The following DNAH14 variants were observed in gnomAD, a reference collection of about 807,000 sequenced individuals.
DNAH14 encodes dynein axonemal heavy chain 14, also known as axonemal beta dynein heavy chain 14.
Under a neutral mutation model 520.9 loss-of-function variants are expected in DNAH14, and 478 were observed. The ratio of observed to expected loss-of-function variants is 0.92; its 90% confidence interval spans 0.85 to 0.99. The LOEUF (loss-of-function observed/expected upper bound fraction) is 0.99. DNAH14 is among the 50% of genes least tolerant of loss of function. DNAH14 has a pLI of 0.00. For missense variants in DNAH14, 4,831 were observed against 5,234.5 expected, an observed-to-expected ratio of 0.92 and a Z score of 2.38; for synonymous variants, 1,581 against 1,757.2, an observed-to-expected ratio of 0.90 and a Z score of 2.51.
intron 52 of DNAH14, among the ~76,000 whole-genome samples, chr1:225,274,222 T>TTTTTTTTTTTTTTA (rs2093402410): frequency 7.3e-6 from 1 of 137,132 alleles, no homozygotes; most frequent in African/African-American, 2.9e-5. Flanking sequence ...TTTTTTTTTT[T>TTTTTTTTTTTTTTA]GAGACGGAGT....
At chr1:225,054,954 C>CT (rs940321751) in intron 17 of DNAH14, among the ~76,000 whole-genome samples, 6 of 151,892 alleles carry the variant, frequency 4.0e-5, no homozygotes, top group Admixed American at 3.3e-4. Flanking sequence ...ATTTAATGCA[C>CT]TTTTTTTCCA....
intron 41 of DNAH14, among the ~76,000 whole-genome samples, chr1:225,216,124 G>A (rs1051192942): frequency 1.3e-5 from 2 of 152,164 alleles, no homozygotes; most frequent in Admixed American, 6.5e-5. Flanking sequence ...TTGCTTGTCT[G>A]TAAAGGATTT....
chr1:225,394,754 G>A (rs1368271075), intron 84 of DNAH14, among the ~76,000 whole-genome samples: 4 of 151,720 alleles, frequency 2.6e-5, no homozygotes, highest in South Asian at 2.1e-4. Context: ...TGAGGCAGGA[G>A]TATTGCTTGA....
chr1:225,003,176 C>T (rs569898009), intron 9 of DNAH14, among the ~76,000 whole-genome samples: 9 of 151,800 alleles, frequency 5.9e-5, no homozygotes, highest in Non-Finnish European at 1.0e-4. Flanking sequence ...AATGTATTTC[C>T]GAATGTGTAA....
chr1:225,326,981 A>G (rs1406668897), intron 64 of DNAH14, among the ~76,000 whole-genome samples: 1 of 152,186 alleles, frequency 6.6e-6, no homozygotes, highest in Non-Finnish European at 1.5e-5. Flanking sequence ...CCTAACAGAC[A>G]TATTCAGAAT....
intron 77 of DNAH14, among the ~76,000 whole-genome samples, chr1:225,374,426 A>G (rs2095670032): frequency 6.7e-6 from 1 of 150,272 alleles, no homozygotes; most frequent in South Asian, 2.1e-4. Flanking sequence ...ATGCCCGGCT[A>G]ATTTTTGTAT....
intron 42 of DNAH14, among the ~76,000 whole-genome samples, chr1:225,233,544 G>A (rs1378886563): frequency 6.6e-6 from 1 of 152,120 alleles, no homozygotes; most frequent in African/African-American, 2.4e-5. Flanking sequence ...TGATTTGCAT[G>A]TCTCTAATGA....
intron 11 of DNAH14, among the ~76,000 whole-genome samples, chr1:225,029,755 C>A (rs1214789581): frequency 6.6e-6 from 1 of 151,854 alleles, no homozygotes; most frequent in African/African-American, 2.4e-5. Context: ...GTATCATATA[C>A]CCTACAGAAC....
At chr1:225,202,841 C>G (rs925914781) in intron 38 of DNAH14, among the ~76,000 whole-genome samples, 5 of 152,182 alleles carry the variant, frequency 3.3e-5, no homozygotes, top group African/African-American at 1.2e-4. Flanking sequence ...TGCTAGGGGA[C>G]CCAGTGAGCC....
At chr1:225,096,684 G>A (rs1434211274) in intron 21 of DNAH14, among the ~76,000 whole-genome samples, 1 of 152,078 alleles carries the variant, frequency 6.6e-6, no homozygotes, top group Non-Finnish European at 1.5e-5. Context: ...TAATATGGTT[G>A]TATTTATATT....
chr1:225,227,499 T>A (rs2090651544), intron 41 of DNAH14, among the ~76,000 whole-genome samples: 1 of 151,874 alleles, frequency 6.6e-6, no homozygotes, highest in South Asian at 2.1e-4. Flanking sequence ...GGCAGAAAAA[T>A]TTTTCTTAGT....
At chr1:225,335,853 G>GTACATATATGTACATACACATA (rs1191985147) in intron 66 of DNAH14, among the ~76,000 whole-genome samples, 4 of 105,692 alleles carry the variant, frequency 3.8e-5, no homozygotes, top group Admixed American at 9.7e-5. Context: ...ATACACATAT[G>GTACATATATGTACATACACATA]TACATATATG....
At chr1:224,998,418 T>A (rs2063535963) in intron 8 of DNAH14, among the ~76,000 whole-genome samples, 1 of 152,184 alleles carries the variant, frequency 6.6e-6, no homozygotes, top group Non-Finnish European at 1.5e-5. Context: ...GTGCTATAAA[T>A]TTCTGTCAGC....
At chr1:225,222,668 G>A (rs1398274159) in intron 41 of DNAH14, among the ~76,000 whole-genome samples, 1 of 152,208 alleles carries the variant, frequency 6.6e-6, no homozygotes, top group East Asian at 1.9e-4. Flanking sequence ...CAGAACACTG[G>A]TGCATTTTAC....
intron 37 of DNAH14, among the ~76,000 whole-genome samples, chr1:225,186,652 A>G (rs2084790236): frequency 2.0e-5 from 3 of 151,804 alleles, no homozygotes. Context: ...TACACTAAAT[A>G]TATTTTGAAA....
intron 62 of DNAH14, among the ~76,000 whole-genome samples, chr1:225,323,064 T>C (rs1408317413): frequency 6.6e-6 from 1 of 152,118 alleles, no homozygotes; most frequent in Admixed American, 6.5e-5. Context: ...TATATCTAAC[T>C]CCAAACTGTG....
intron 66 of DNAH14, among the ~76,000 whole-genome samples, chr1:225,334,352 G>T (rs1256199707): frequency 1.3e-5 from 2 of 152,142 alleles, no homozygotes; most frequent in Non-Finnish European, 2.9e-5. Flanking sequence ...TACTGAGCAT[G>T]ATGCTACATG....
At chr1:225,205,028 T>C (rs2087343761) in intron 39 of DNAH14, among the ~76,000 whole-genome samples, 1 of 152,178 alleles carries the variant, frequency 6.6e-6, no homozygotes, top group Non-Finnish European at 1.5e-5. Flanking sequence ...TGGATTCTTC[T>C]GGGATATTTT....
intron 1 of DNAH14, among the ~76,000 whole-genome samples, chr1:224,931,036 T>C (rs2058668306): frequency 2.0e-5 from 3 of 152,344 alleles, no homozygotes; most frequent in Admixed American, 2.0e-4. Flanking sequence ...GACAGCTCCA[T>C]GTGTTATTAC....
Sources: gnomAD v4.1 joint callset for allele counts (sites outside exome capture counted in the v4.1 genomes callset) on GRCh38, gnomAD v4.1.1 for gene constraint, MANE v1.5 for transcripts, NCBI Gene and HGNC (gene_info 2026-07-23, HGNC 2026-07-21) for gene names.